Variants in NARS2 observed in about 807,000 individuals in gnomAD.
The protein encoded by NARS2 is asparaginyl-tRNA synthetase 2, mitochondrial, also known as asparaginyl-tRNA synthetase.
In NARS2, 60 loss-of-function variants were observed where a neutral mutation model predicts 62.9. That is an observed-to-expected ratio of 0.95 (90% confidence interval 0.77 to 1.18). The LOEUF is 1.18. NARS2 is among the 50% of genes most tolerant of loss of function. The pLI is 0.00. For synonymous variants in NARS2, 196 were observed against 200.0 expected (o/e 0.98, Z 0.17); for missense variants, 619 against 576.4 (o/e 1.07, Z -0.76).
chr11:78,469,397 C>T (rs1348131880), intron 9 of NARS2, 84 bp from the exon 10 acceptor site: 4 of 928,806 alleles, frequency 4.3e-6, no homozygotes, highest in Non-Finnish European at 7.1e-6. Context: ...AAAAAGCGTA[C>T]TCCTATATCA....
At chr11:78,554,481 G>A (rs1856257831) in intron 5 of NARS2, among the ~76,000 whole-genome samples, 1 of 141,490 alleles carries the variant, frequency 7.1e-6, no homozygotes, top group African/African-American at 2.7e-5. Flanking sequence ...TCACCTCCCT[G>A]GTTAGCTGTA....
intron 12 of NARS2, 147 bp downstream of exon 12, chr11:78,443,514 C>A: frequency 2.1e-6 from 1 of 465,436 alleles, no homozygotes; most frequent in Non-Finnish European, 3.9e-6. Flanking sequence ...GATAAACTAA[C>A]AACTTGCTCA....
chr11:78,449,653 G>C (rs374971400), intron 11 of NARS2, among the ~76,000 whole-genome samples: 2 of 151,998 alleles, frequency 1.3e-5, no homozygotes, highest in African/African-American at 4.8e-5. Context: ...CTTACAACCA[G>C]GTTTCTCAAT....
chr11:78,513,175 G>A (rs573720272), intron 6 of NARS2, among the ~76,000 whole-genome samples: 52 of 152,184 alleles, frequency 3.4e-4, no homozygotes, highest in African/African-American at 1.2e-3. Flanking sequence ...GCTGGAACCT[G>A]GGAGGCAGAA....
chr11:78,468,310 G>GCAAAAAAA, intron 10 of NARS2, among the ~76,000 whole-genome samples: 1 of 67,432 alleles, frequency 1.5e-5, no homozygotes, highest in East Asian at 3.7e-4. Context: ...CACTAAATCT[G>GCAAAAAAA]AAAAAAAAAA....
chr11:78,489,602 T>C (rs1257395406), intron 7 of NARS2, among the ~76,000 whole-genome samples: 1 of 152,192 alleles, frequency 6.6e-6, no homozygotes, highest in Non-Finnish European at 1.5e-5. Context: ...TTGGTATCCA[T>C]AATGGCAGGG....
intron 13 of NARS2, among the ~76,000 whole-genome samples, chr11:78,437,743 G>A (rs1025901838): frequency 6.6e-6 from 1 of 152,064 alleles, no homozygotes; most frequent in Non-Finnish European, 1.5e-5. Flanking sequence ...TTGGGAGGCC[G>A]AGGTGGGCGG....
intron 9 of NARS2, among the ~76,000 whole-genome samples, chr11:78,471,136 G>C (rs907013402): frequency 6.6e-6 from 1 of 152,060 alleles, no homozygotes; most frequent in South Asian, 2.1e-4. Context: ...AATTTCTAAG[G>C]TAATAATGGT....
chr11:78,489,982 T>C (rs894379066), intron 7 of NARS2, among the ~76,000 whole-genome samples: 2 of 152,094 alleles, frequency 1.3e-5, no homozygotes, highest in Non-Finnish European at 2.9e-5. Context: ...ATGGCTGAAG[T>C]GAGCTATGAC....
chr11:78,508,823 T>A (rs1228916519), intron 6 of NARS2, among the ~76,000 whole-genome samples: 1 of 152,020 alleles, frequency 6.6e-6, no homozygotes, highest in African/African-American at 2.4e-5. Context: ...ATGTAAGGAA[T>A]CTTCAATAAG....
At position 78,568,635 on chromosome 11, in the gene NARS2, G is replaced by C. The variant is rs151326892; in HGVS notation, c.369C>G (p.Ala123=). Residue 123 remains alanine (A), a synonymous_variant, in exon 3 of 14, where the codon GCC becomes GCG. Coordinates refer to ENST00000281038, the MANE Select transcript of NARS2 (RefSeq NM_024678.6). The stretch of plus-strand genomic sequence containing the variant: ...ACAAAAGTGTCAGAAATCATACCTT[G>C]GCATCACAATTTCCAATAACTTTAA... The part of the protein sequence containing the change: ...EKIKVIGNCD[A]KDFPIKYKER... 5.0e-6 allele frequency: 8 copies of C among 1,611,214 alleles called. No homozygotes were observed. Among genetic ancestry groups the C allele is most frequent in the Non-Finnish European group, 6.8e-6 (8 of 1,178,532 alleles).
At chr11:78,555,208 C>G (rs1458777916) in intron 5 of NARS2, 2 of 152,116 alleles carry the variant, frequency 1.3e-5, no homozygotes, top group African/African-American at 4.8e-5. Context: ...TGTTGTGTCT[C>G]TCCCAGGTTT....
intron 7 of NARS2, among the ~76,000 whole-genome samples, chr11:78,488,661 T>C (rs1431471332): frequency 1.3e-5 from 2 of 152,318 alleles, no homozygotes; most frequent in East Asian, 3.9e-4. Context: ...ATAGAACTTG[T>C]AATGCATATG....
At chr11:78,549,320 A>G (rs2135486015) in intron 5 of NARS2, among the ~76,000 whole-genome samples, 1 of 152,318 alleles carries the variant, frequency 6.6e-6, no homozygotes, top group Non-Finnish European at 1.5e-5. Context: ...AGAATGATCC[A>G]TTGTCCCTTC....
intron 6 of NARS2, among the ~76,000 whole-genome samples, chr11:78,507,519 A>G (rs1249828699): frequency 1.7e-5 from 2 of 120,012 alleles, no homozygotes; most frequent in African/African-American, 5.7e-5. Flanking sequence ...CATTTCTTTT[A>G]TTCTTTTTTT....
At chr11:78,462,088 T>G (rs749035591) in intron 11 of NARS2, among the ~76,000 whole-genome samples, 3 of 152,164 alleles carry the variant, frequency 2.0e-5, no homozygotes, top group African/African-American at 4.8e-5. Flanking sequence ...CAGAAAAATC[T>G]TTATAGAGAA....
chr11:78,524,543 C>T (rs1008232279), intron 6 of NARS2, among the ~76,000 whole-genome samples: 2 of 152,084 alleles, frequency 1.3e-5, no homozygotes, highest in Admixed American at 1.3e-4. Context: ...CTGACTTTAA[C>T]TGATGAGAAA....
At chr11:78,537,170 G>A (rs967019745) in intron 5 of NARS2, among the ~76,000 whole-genome samples, 7 of 152,132 alleles carry the variant, frequency 4.6e-5, no homozygotes, top group Non-Finnish European at 1.0e-4. Flanking sequence ...TATCTCCATC[G>A]TTAAGCGACA....
intron 5 of NARS2, among the ~76,000 whole-genome samples, chr11:78,556,316 T>C (rs1026204337): frequency 6.6e-6 from 1 of 152,228 alleles, no homozygotes; most frequent in Admixed American, 6.5e-5. Flanking sequence ...CACTTATAAC[T>C]GGTAACACTA....
Sources: allele counts gnomAD v4.1 joint callset (sites outside exome capture counted in the v4.1 genomes callset), GRCh38; gene constraint gnomAD v4.1.1; transcripts MANE v1.5; gene names NCBI Gene and HGNC (gene_info 2026-07-23, HGNC 2026-07-21).